ARHGEF18: variants seen among roughly 807,000 people sequenced by gnomAD.
ARHGEF18 encodes rho guanine nucleotide exchange factor 18.
Under a neutral mutation model 155.7 loss-of-function variants are expected in ARHGEF18, and 93 were observed. The observed-to-expected ratio is 0.60, with a 90% CI of 0.50 to 0.71. The LOEUF is 0.71. ARHGEF18 is among the 30% of genes least tolerant of loss of function. The pLI is 0.00. For missense variants in ARHGEF18, 1,593 were observed against 1,816.1 expected (o/e 0.88, Z 2.23); for synonymous variants, 742 against 753.1 (o/e 0.99, Z 0.24).
In ARHGEF18 at chr19:7,463,897, C is replaced by A; in HGVS notation, c.2715C>A (p.Gly905=). 6.2e-7 allele frequency: 1 copy of A among 1,600,210 alleles called. No individual in the cohort carries two copies. The highest frequency in any genetic ancestry group is 1.1e-5 in the South Asian group (1 of 88,808). ...CGGAAGACGGAGGCAGCTCCACAGGCCCGCCCAGGAGGGCTGAGACCTTCG... is the reference window on the plus strand; with the variant it reads ...CGGAAGACGGAGGCAGCTCCACAGGACCGCCCAGGAGGGCTGAGACCTTCG... ...GQAEDGGSST[G]PPRRAETFAG... is the part of the protein sequence containing the mutation. The change falls in exon 22 of 29, where the codon GGC becomes GGA. Residue 905 remains glycine (G), a synonymous_variant. Transcript: ENST00000668164. This position sits in a 1 kb window ranked among gnomAD's most constrained non-coding sequence, Gnocchi z 5.2.
At chr19:7,367,755 A>AT (rs1458585419) in intron 2 of ARHGEF18, among the ~76,000 whole-genome samples, 789 of 37,280 alleles carry the variant, frequency 0.021, 119 homozygotes, top group African/African-American at 0.081. Flanking sequence ...TCAAAAAAAA[A>AT]AAAATATATA....
At chr19:7,459,755 C>T in intron 19 of ARHGEF18, 148 bp from the exon 20 acceptor site, 1 of 636,524 alleles carries the variant, frequency 1.6e-6, no homozygotes, top group South Asian at 2.0e-5. Context: ...TCTCTCTCTT[C>T]CCCTCCTCGT....
At chr19:7,360,298 C>A (rs1969493697) in intron 1 of ARHGEF18, among the ~76,000 whole-genome samples, 1 of 151,510 alleles carries the variant, frequency 6.6e-6, no homozygotes, top group African/African-American at 2.4e-5. Context: ...TGCAATGGCA[C>A]AATCTCAGTT....
intron 10 of ARHGEF18, among the ~76,000 whole-genome samples, chr19:7,426,495 A>AAAG (rs1555716896): frequency 1.3e-5 from 2 of 151,708 alleles, no homozygotes; most frequent in South Asian, 2.1e-4. Context: ...TCAAAAAAAA[A>AAAG]AAAAAAAGAA....
chr19:7,349,513 C>T lies in ARHGEF18; in HGVS notation c.-111+272C>T, dbSNP rs1304898175. ...AGGGTGGAGGCCGGGCGCGGTGGCTCACACCTGTAATCCTAGCACTTTGGG... is the reference window on the plus strand; with the variant it reads ...AGGGTGGAGGCCGGGCGCGGTGGCTTACACCTGTAATCCTAGCACTTTGGG... On this transcript the variant is annotated intron_variant, in intron 1 of 28. Transcript: ENST00000668164. 7.9e-5 allele frequency among the ~76,000 whole-genome samples: 12 copies of T among 152,088 alleles called. No homozygotes were observed. The East Asian group carries it at 2.3e-3, about 29-fold the overall frequency.
chr19:7,402,045 G>T (rs549974402), intron 10 of ARHGEF18, among the ~76,000 whole-genome samples: 77 of 152,196 alleles, frequency 5.1e-4, no homozygotes, highest in Non-Finnish European at 8.7e-4. Flanking sequence ...TGGATTAGTG[G>T]TTGCCACAGG....
chr19:7,378,618 C>A (rs1970572613), intron 6 of ARHGEF18, among the ~76,000 whole-genome samples, 167 bp downstream of exon 6: 1 of 151,468 alleles, frequency 6.6e-6, no homozygotes, highest in Admixed American at 6.6e-5. Flanking sequence ...CACCATCCTT[C>A]TCCCGGTGGG....
rs892464138 is a variant in ARHGEF18, at chr19:7,470,913, C to T, written c.*615C>T. Reference sequence around the variant, plus strand: ...ACGGGGGCATGGGCAGAGAGGGCCACGGGGCAGGGCCCACTGAGGGAACAT... The same window carrying T: ...ACGGGGGCATGGGCAGAGAGGGCCATGGGGCAGGGCCCACTGAGGGAACAT... On this transcript the variant is annotated 3_prime_UTR_variant, in exon 29 of 29. Transcript: ENST00000668164. This position sits in a 1 kb window ranked among gnomAD's most constrained non-coding sequence, Gnocchi z 5.9. The T allele has an allele frequency of 7.2e-5, 29 of 400,890 alleles. No homozygotes were observed. Among genetic ancestry groups the T allele is most frequent in the Non-Finnish European group, 1.0e-4 (23 of 226,136 alleles). 24.8% of individuals were successfully genotyped at this position (400,890 alleles called of 1,614,324 possible).
chr19:7,423,209 A>G (rs575702173), intron 10 of ARHGEF18, among the ~76,000 whole-genome samples: 1 of 152,256 alleles, frequency 6.6e-6, no homozygotes, highest in African/African-American at 2.4e-5. Flanking sequence ...GTCTGCGTTC[A>G]GGAGAATATT....
intron 23 of ARHGEF18, among the ~76,000 whole-genome samples, chr19:7,466,573 C>T (rs950135434): frequency 2.0e-5 from 3 of 150,006 alleles, no homozygotes; most frequent in Non-Finnish European, 4.4e-5. Context: ...GAGGCCGAGG[C>T]GGGCGGATCA....
At chr19:7,397,498 C>CGG (rs374998227) in intron 10 of ARHGEF18, among the ~76,000 whole-genome samples, 14 of 149,280 alleles carry the variant, frequency 9.4e-5, no homozygotes, top group Middle Eastern at 3.4e-3. Context: ...TTGGGAGGCC[C>CGG]GGGGGGGGGC....
At chr19:7,381,415 C>A (rs150258586) in intron 8 of ARHGEF18, among the ~76,000 whole-genome samples, 3 of 152,072 alleles carry the variant, frequency 2.0e-5, no homozygotes, top group Admixed American at 2.0e-4. Context: ...CGGTGGCTCA[C>A]GCCTATAATC....
At chr19:7,363,732 G>C (rs1408589442) in intron 2 of ARHGEF18, among the ~76,000 whole-genome samples, 1 of 147,780 alleles carries the variant, frequency 6.8e-6, no homozygotes, top group Non-Finnish European at 1.5e-5. Flanking sequence ...AGATGGATGG[G>C]TGAAAGGAAG....
intron 10 of ARHGEF18, among the ~76,000 whole-genome samples, chr19:7,432,402 A>C (rs722441): frequency 0.54 from 82,257 of 152,046 alleles, 22,787 homozygotes; most frequent in East Asian, 0.75. Flanking sequence ...CCTAAATGTG[A>C]GAAAAGGAGT....
Position 7,471,838 on chromosome 19 carries a change from TGA to T in ARHGEF18, c.*1543_*1544del, listed in dbSNP as rs1161968686. On this transcript the variant is annotated 3_prime_UTR_variant, in exon 29 of 29. Coordinates refer to ENST00000668164, the MANE Select transcript of ARHGEF18 (RefSeq NM_001367823.1). This position sits in a 1 kb window ranked among gnomAD's most constrained non-coding sequence, Gnocchi z 4.4. The stretch of plus-strand genomic sequence containing the variant: ...ATACAGCCCATTGGTGACAAGGTCC[TGA>T]GAACACAGTGGCCAGGTGTCCCCAG... 6.6e-6 allele frequency: 1 copy of T among 152,228 alleles called. No homozygotes were observed. The highest frequency in any genetic ancestry group is 2.4e-5 in the African/African-American group (1 of 41,432). 9.4% of individuals were successfully genotyped at this position (152,228 alleles called of 1,614,324 possible). A position where few individuals can be genotyped will look rare whatever the true frequency, so the allele number is the denominator to read the frequency against.
At position 7,470,595 on chromosome 19, in the gene ARHGEF18, G is replaced by A; in HGVS notation, c.*297G>A. ...AACCAGGGAGCTGTCTGAAATCATA[G>A]CACCCCATCCGGGTGGCGGGGAGAT... is the stretch of plus-strand genomic sequence containing the variant. On this transcript the variant is annotated 3_prime_UTR_variant, in exon 29 of 29. Coordinates refer to ENST00000668164, the MANE Select transcript of ARHGEF18 (RefSeq NM_001367823.1). The surrounding 1 kb of genome is among the most constrained non-coding windows in gnomAD (Gnocchi z 5.9). 1 of 396,660 alleles carries A rather than the reference G, an allele frequency of 2.5e-6. No homozygotes were observed. Among genetic ancestry groups the A allele is most frequent in the Non-Finnish European group, 4.4e-6 (1 of 225,666 alleles). The allele number at this position is 396,660 out of a possible 1,614,324, so 24.6% of individuals were successfully genotyped here.
intron 26 of ARHGEF18, among the ~76,000 whole-genome samples, chr19:7,468,400 A>G (rs1325676216): frequency 6.6e-6 from 1 of 152,048 alleles, no homozygotes; most frequent in African/African-American, 2.4e-5. Context: ...TGCAAAAATT[A>G]GCAGGGCGTG....
At chr19:7,355,238 A>G (rs1248399834) in intron 1 of ARHGEF18, among the ~76,000 whole-genome samples, 4 of 151,956 alleles carry the variant, frequency 2.6e-5, no homozygotes, top group African/African-American at 9.7e-5. Flanking sequence ...TGCTCTCTAC[A>G]CAACATGGAA....
chr19:7,362,167 GAGAAGA>G (rs765447462), intron 1 of ARHGEF18, among the ~76,000 whole-genome samples: 1 of 37,012 alleles, frequency 2.7e-5, no homozygotes, highest in East Asian at 6.0e-4. Context: ...GGAGAAGAAG[GAGAAGA>G]AGGAGAAGAA....
Sources: allele counts gnomAD v4.1 joint callset (sites outside exome capture counted in the v4.1 genomes callset), GRCh38; gene constraint gnomAD v4.1.1; non-coding constraint Gnocchi (gnomAD v3.1); transcripts MANE v1.5; gene names NCBI Gene and HGNC (gene_info 2026-07-23, HGNC 2026-07-21).